SLC30A6: variants seen among roughly 807,000 people sequenced by gnomAD.
SLC30A6 encodes the protein zinc transporter 6.
Under a neutral mutation model 63.0 loss-of-function variants are expected in SLC30A6, and 55 were observed. That is an observed-to-expected ratio of 0.87 (90% CI 0.70 to 1.09). The LOEUF (loss-of-function observed/expected upper bound fraction) is 1.09, where lower values mean the gene tolerates loss of function less well. Ranked by LOEUF, SLC30A6 falls within the 50% of genes least tolerant of loss-of-function variation. The pLI, the probability that SLC30A6 is intolerant of heterozygous loss-of-function variation, is 0.00. For synonymous variants in SLC30A6, 224 were observed against 186.1 expected (o/e 1.20, Z -1.66); for missense variants, 587 against 549.2 (o/e 1.07, Z -0.69).
chr2:32,206,151 G>A (rs1684750016), intron 11 of SLC30A6, among the ~76,000 whole-genome samples: 1 of 151,830 alleles, frequency 6.6e-6, no homozygotes, highest in African/African-American at 2.4e-5. Flanking sequence ...AATATGAATA[G>A]AAAGGCAGTT....
At chr2:32,215,019 T>G (rs1685577659) in intron 13 of SLC30A6, among the ~76,000 whole-genome samples, 1 of 152,206 alleles carries the variant, frequency 6.6e-6, no homozygotes, top group African/African-American at 2.4e-5. Flanking sequence ...TGACAGTAGC[T>G]CTCTTACTAT....
chr2:32,166,356 G>A (rs1680652476), intron 1 of SLC30A6, among the ~76,000 whole-genome samples: 1 of 151,670 alleles, frequency 6.6e-6, no homozygotes, highest in African/African-American at 2.4e-5. Flanking sequence ...GTCTCACTCT[G>A]CAACTTGGCT....
intron 10 of SLC30A6, among the ~76,000 whole-genome samples, chr2:32,200,662 C>T (rs1040442032): frequency 2.6e-5 from 4 of 151,180 alleles, no homozygotes; most frequent in Non-Finnish European, 5.9e-5. Flanking sequence ...GCAGCATGCT[C>T]GTTAAGAGTC....
Position 32,194,839 on chromosome 2 carries a change from T to C in SLC30A6, c.496+856T>C, listed in dbSNP as rs1683635883. 2.0e-5 allele frequency among the ~76,000 whole-genome samples: 3 copies of C among 152,098 alleles called. No individual in the cohort carries two copies. In the South Asian group the frequency reaches 6.2e-4, roughly 31 times the overall value. On this transcript the variant is annotated intron_variant, in intron 8 of 13. Coordinates refer to ENST00000282587, the MANE Select transcript of SLC30A6 (RefSeq NM_017964.5). ...ATAATGATAATTAAGATCACTAGAATTTCTTGAAAAAAATTCATAATTTAT... is the reference window on the plus strand; with the variant it reads ...ATAATGATAATTAAGATCACTAGAACTTCTTGAAAAAAATTCATAATTTAT...
chr2:32,188,216 G>T (rs1683008075), intron 5 of SLC30A6, among the ~76,000 whole-genome samples: 1 of 152,012 alleles, frequency 6.6e-6, no homozygotes, highest in Admixed American at 6.6e-5. Context: ...CCTGATCTTT[G>T]CAAGGCTGGC....
chr2:32,199,561 A>G (rs993626674), intron 10 of SLC30A6, among the ~76,000 whole-genome samples: 8 of 152,126 alleles, frequency 5.3e-5, no homozygotes, highest in African/African-American at 9.7e-5. Flanking sequence ...TTTGTGTTCT[A>G]ATTATGCTCT....
At chr2:32,206,535 G>C (rs1684791614) in intron 11 of SLC30A6, among the ~76,000 whole-genome samples, 1 of 152,074 alleles carries the variant, frequency 6.6e-6, no homozygotes, top group Non-Finnish European at 1.5e-5. Context: ...ACTTAGGGCA[G>C]TAGTTCCATC....
At chr2:32,203,772 A>G in intron 10 of SLC30A6, 1 of 1,499,344 alleles carries the variant, frequency 6.7e-7, no homozygotes, top group East Asian at 2.3e-5. Flanking sequence ...TCTCAGTGCC[A>G]GCCAAATTAC....
intron 2 of SLC30A6, among the ~76,000 whole-genome samples, chr2:32,171,715 G>T (rs1681233570): frequency 1.3e-5 from 2 of 149,580 alleles, no homozygotes; most frequent in African/African-American, 4.9e-5. Context: ...TTTTTGAGAT[G>T]AAGTTACACT....
At position 32,174,972 on chromosome 2, in the gene SLC30A6, TTA is replaced by T. The variant is rs564614938; in HGVS notation, c.176-345_176-344del. 1.1e-4 allele frequency among the ~76,000 whole-genome samples: 17 copies of T among 152,310 alleles called. 1 individual carries two copies. Among genetic ancestry groups the T allele is most frequent in the Middle Eastern group, 3.4e-3 (1 of 294 alleles). On this transcript the variant is annotated intron_variant, in intron 3 of 13. Transcript: ENST00000282587. ...TCTGTAATTTTTTTCTTATATCTTT[TTA>T]TGTTTTTTATTGCATTGTTCTTTTG... is the stretch of plus-strand genomic sequence containing the variant.
chr2:32,189,299 T>C (rs1050945137), intron 5 of SLC30A6, among the ~76,000 whole-genome samples: 1 of 147,452 alleles, frequency 6.8e-6, no homozygotes, highest in South Asian at 2.3e-4. Context: ...TTTTTTTTTT[T>C]TCTTTTTTTT....
intron 4 of SLC30A6, among the ~76,000 whole-genome samples, chr2:32,178,307 T>C (rs1681972697): frequency 1.3e-5 from 2 of 152,094 alleles, no homozygotes; most frequent in Non-Finnish European, 2.9e-5. Flanking sequence ...TGCATGTGGA[T>C]AACCAGTTGT....
At chr2:32,199,185 T>A (rs983551311) in intron 10 of SLC30A6, among the ~76,000 whole-genome samples, 4 of 152,238 alleles carry the variant, frequency 2.6e-5, no homozygotes, top group African/African-American at 7.2e-5. Flanking sequence ...ATTGGAATGC[T>A]GAATCACATT....
intron 13 of SLC30A6, among the ~76,000 whole-genome samples, chr2:32,210,737 C>T (rs940211310): frequency 1.3e-5 from 2 of 152,102 alleles, no homozygotes; most frequent in African/African-American, 2.4e-5. Flanking sequence ...ATATTACCCA[C>T]TTTGCAGTCT....
intron 10 of SLC30A6, chr2:32,201,996 T>G: frequency 7.8e-7 from 1 of 1,281,838 alleles, no homozygotes; most frequent in Non-Finnish European, 1.1e-6. Flanking sequence ...GAAGAAAAGA[T>G]CTACTGAATG....
Position 32,223,969 on chromosome 2 carries a change from C to T in SLC30A6, c.*3256C>T, listed in dbSNP as rs1466843556. ...TCTGATTTAGCTGTTTGTAAACTTC[C>T]AAGTTTTGCTTGACTAAAGAATGCT... On this transcript the variant is annotated 3_prime_UTR_variant, in exon 14 of 14. Transcript: ENST00000282587. The T allele has an allele frequency of 6.6e-6, 1 of 152,170 alleles. No individual in the cohort carries two copies. 9.4% of individuals were successfully genotyped at this position (152,170 alleles called of 1,614,324 possible). A position where few individuals can be genotyped will look rare whatever the true frequency, so the allele number is the denominator to read the frequency against.
chr2:32,186,122 C>T (rs1682789799), intron 5 of SLC30A6, among the ~76,000 whole-genome samples: 1 of 151,966 alleles, frequency 6.6e-6, no homozygotes, highest in African/African-American at 2.4e-5. Context: ...GCAACCTCCA[C>T]CTACCAGATT....
At chr2:32,171,448 G>T in intron 2 of SLC30A6, 75 bp downstream of exon 2, 2 of 1,208,030 alleles carry the variant, frequency 1.7e-6, no homozygotes, top group Non-Finnish European at 2.4e-6. Flanking sequence ...TAATTTTTAA[G>T]GCCAATAGAA....
At chr2:32,205,662 C>CTTTTTTTT (rs745414068) in intron 11 of SLC30A6, among the ~76,000 whole-genome samples, 3 of 87,198 alleles carry the variant, frequency 3.4e-5, no homozygotes, top group Admixed American at 1.5e-4. Flanking sequence ...AATGTTACTT[C>CTTTTTTTT]TTTTTTTTTT....
Sources: gnomAD v4.1 joint callset for allele counts (sites outside exome capture counted in the v4.1 genomes callset) on GRCh38, gnomAD v4.1.1 for gene constraint, MANE v1.5 for transcripts, NCBI Gene and HGNC (gene_info 2026-07-23, HGNC 2026-07-21) for gene names.